The following SYCP2L variants were observed in gnomAD, a reference collection of about 807,000 sequenced individuals.
SYCP2L encodes synaptonemal complex protein 2-like.
SYCP2L carries 98 observed loss-of-function variants against 125.8 expected under a neutral mutation model. The ratio of observed to expected loss-of-function variants is 0.78; its 90% CI spans 0.66 to 0.92. SYCP2L has a LOEUF of 0.92. Ranked by LOEUF, SYCP2L falls within the 40% of genes least tolerant of loss-of-function variation. The pLI is 0.00. For synonymous variants in SYCP2L, 317 were observed against 325.4 expected (o/e 0.97, Z 0.28); for missense variants, 842 against 936.4 (o/e 0.90, Z 1.32).
chr6:10,903,005 A>G (rs1196192771), intron 8 of SYCP2L, 42 bp downstream of exon 8: 1 of 1,519,248 alleles, frequency 6.6e-7, no homozygotes, highest in African/African-American at 1.4e-5. Context: ...GTAAGGGTAA[A>G]ATCTCTCATG....
intron 23 of SYCP2L, among the ~76,000 whole-genome samples, chr6:10,945,709 G>A (rs2113386079): frequency 6.7e-6 from 1 of 149,356 alleles, no homozygotes; most frequent in African/African-American, 2.5e-5. Flanking sequence ...GGCGGAGGTT[G>A]CGGTGAGCCA....
chr6:10,952,344 G>T (rs1294294827), intron 23 of SYCP2L, among the ~76,000 whole-genome samples: 1 of 152,160 alleles, frequency 6.6e-6, no homozygotes, highest in Non-Finnish European at 1.5e-5. Context: ...AAAGTCTAGT[G>T]ATTTCCATGT....
intron 14 of SYCP2L, among the ~76,000 whole-genome samples, chr6:10,914,724 A>G (rs1780661187): frequency 7.0e-6 from 1 of 142,944 alleles, no homozygotes; most frequent in Non-Finnish European, 1.5e-5. Context: ...CTCCTTGGTT[A>G]GGTATATCCC....
chr6:10,900,563 G>A (rs557889235), intron 6 of SYCP2L, among the ~76,000 whole-genome samples: 1 of 152,232 alleles, frequency 6.6e-6, no homozygotes, highest in Non-Finnish European at 1.5e-5. Context: ...ATTTTGGCCA[G>A]GCTGGTTTTG....
chr6:10,927,209 A>C (rs778562276), intron 16 of SYCP2L, 31 bp from the exon 17 acceptor site: 1 of 1,612,896 alleles, frequency 6.2e-7, no homozygotes, highest in South Asian at 1.1e-5. Context: ...GTGCACGGTT[A>C]TTATATTAGT....
In SYCP2L at chr6:10,930,390, T is replaced by G; in HGVS notation, c.1509T>G (p.His503Gln). The G allele has an allele frequency of 6.2e-7, 1 of 1,612,888 alleles. No individual in the cohort carries two copies. The highest frequency in any genetic ancestry group is 8.5e-7 in the Non-Finnish European group (1 of 1,179,640). Reference protein sequence around the residue: ...PQQPKSHYRKHLFSESNQDSS... With the variant: ...PQQPKSHYRKQLFSESNQDSS... ...TGTAGAAGTCTCATTACAGAAAACA[T>G]CTCTTCTCTGAGAGTAATCAAGATT... The change falls in exon 19 of 30, where the codon CAT becomes CAG. Residue 503 changes from histidine (H) to glutamine (Q), a missense_variant. Transcript: ENST00000283141.
At chr6:10,911,132 A>G (rs1780599730) in intron 12 of SYCP2L, among the ~76,000 whole-genome samples, 1 of 152,202 alleles carries the variant, frequency 6.6e-6, no homozygotes, top group African/African-American at 2.4e-5. Context: ...GCACAGTTAC[A>G]GGAAGCTTGC....
In SYCP2L at chr6:10,894,093, T is replaced by C. The variant is rs778976521; in HGVS notation, c.225T>C (p.Asp75=). ...RLDRSINKEL[D]KNEFQSVSLL... ...GTGTGGTTTATACCTAGGAACTAGA[T>C]AAAAATGAATTTCAGTCTGTGTCAC... Residue 75 remains aspartate (D), a synonymous_variant, in exon 4 of 30, where the codon GAT becomes GAC. Transcript: ENST00000283141. The C allele has an allele frequency of 3.7e-6, 6 of 1,611,592 alleles. No individual in the cohort carries two copies. In the South Asian group the frequency reaches 5.6e-5, roughly 15 times the overall value.
In SYCP2L at chr6:10,926,283, T is replaced by A; in HGVS notation, c.1219-56T>A. ...TCTAAGCTTTACGTTTTCCTTAAAT[T>A]TTTTTTTTTTTAAAGATGACTACAT... On this transcript the variant is annotated intron_variant, in intron 15 of 29. Coordinates refer to ENST00000283141, the MANE Select transcript of SYCP2L (RefSeq NM_001040274.3). 7.7e-6 allele frequency: 10 copies of A among 1,291,922 alleles called. No homozygotes were observed. The South Asian group carries it at 1.2e-4, about 15-fold the overall frequency. The allele number at this position is 1,291,922 out of a possible 1,614,324, so 80.0% of individuals were successfully genotyped here.
chr6:10,926,134 T>C (rs541386067), intron 15 of SYCP2L, among the ~76,000 whole-genome samples: 45 of 152,114 alleles, frequency 3.0e-4, no homozygotes, highest in Admixed American at 2.9e-3. Context: ...AGCAGGGGAA[T>C]GGCTAGCCCG....
intron 29 of SYCP2L, among the ~76,000 whole-genome samples, chr6:10,969,577 G>T (rs1171289444): frequency 1.3e-5 from 2 of 151,872 alleles, no homozygotes. Context: ...TTTTAGCCAG[G>T]ATGGTCTCGA....
At chr6:10,898,153 T>C (rs1265281778) in intron 5 of SYCP2L, 38 bp downstream of exon 5, 3 of 1,370,112 alleles carry the variant, frequency 2.2e-6, no homozygotes, top group Non-Finnish European at 3.1e-6. Context: ...GCAGATGCCA[T>C]TGGTAATTGG....
chr6:10,918,351 C>A (rs902826115), intron 14 of SYCP2L, among the ~76,000 whole-genome samples: 6 of 151,882 alleles, frequency 4.0e-5, no homozygotes, highest in Non-Finnish European at 8.8e-5. Context: ...CTTGATTATT[C>A]CCCCAAATAT....
chr6:10,899,721 A>G (rs1185128382), intron 6 of SYCP2L, among the ~76,000 whole-genome samples: 1 of 152,210 alleles, frequency 6.6e-6, no homozygotes, highest in Non-Finnish European at 1.5e-5. Flanking sequence ...AATGGATGGT[A>G]TCTGGTAGTT....
At chr6:10,952,839 C>T (rs1024981460) in intron 23 of SYCP2L, among the ~76,000 whole-genome samples, 14 of 152,028 alleles carry the variant, frequency 9.2e-5, no homozygotes, top group African/African-American at 3.4e-4. Context: ...TGACGGGATC[C>T]CCCCAGAAAA....
chr6:10,897,612 A>G (rs1341083789), intron 4 of SYCP2L, among the ~76,000 whole-genome samples: 1 of 152,094 alleles, frequency 6.6e-6, no homozygotes, highest in African/African-American at 2.4e-5. Context: ...AAGTTTAACC[A>G]TCTTTCCCAG....
At position 10,924,647 on chromosome 6, in the gene SYCP2L, AG is replaced by A. The variant is rs1201317019; in HGVS notation, c.1218+8del. ...CTTTAGGAGAAGACAAACAGGTGGC[AG>A]GTTTCATTCTTTTGGATTATTTAAA... On this transcript the variant is annotated splice_region_variant and intron_variant, in intron 15 of 29. Transcript: ENST00000283141. The A allele has an allele frequency of 6.4e-7, 1 of 1,550,610 alleles. No homozygotes were observed. Among genetic ancestry groups the A allele is most frequent in the Non-Finnish European group, 8.6e-7 (1 of 1,157,338 alleles).
intron 9 of SYCP2L, among the ~76,000 whole-genome samples, chr6:10,907,321 C>G (rs58256038): frequency 0.42 from 63,696 of 151,004 alleles, 15,449 homozygotes; most frequent in South Asian, 0.54. Context: ...CCAGCCACCA[C>G]TGCACTCCAG....
chr6:10,955,104 G>C lies in SYCP2L; in HGVS notation c.1955-12G>C, dbSNP rs1781479296. The C allele has an allele frequency of 6.3e-7, 1 of 1,588,456 alleles. No individual in the cohort carries two copies. Among genetic ancestry groups the C allele is most frequent in the South Asian group, 1.1e-5 (1 of 90,122 alleles). On this transcript the variant is annotated splice_polypyrimidine_tract_variant and intron_variant, in intron 23 of 29. Coordinates refer to ENST00000283141, the MANE Select transcript of SYCP2L (RefSeq NM_001040274.3). ...TTCGGGTCAAAAGGAAATGTGCTCT[G>C]TTTGCCTGTAGACATACCAGAAGGT...
Sources: gnomAD v4.1 joint callset for allele counts (sites outside exome capture counted in the v4.1 genomes callset) on GRCh38, gnomAD v4.1.1 for gene constraint, MANE v1.5 for transcripts, NCBI Gene and HGNC (gene_info 2026-07-23, HGNC 2026-07-21) for gene names.